The following ALDH18A1 variants were observed in gnomAD, a reference collection of about 807,000 sequenced individuals.
ALDH18A1 encodes aldehyde dehydrogenase 18 family member A1, also known as delta-1-pyrroline-5-carboxylate synthase.
In ALDH18A1, 44 loss-of-function variants were observed where a neutral mutation model predicts 88.8. That is an observed-to-expected ratio of 0.50 (90% CI 0.39 to 0.64). The LOEUF is 0.64. Among genes scored for constraint, ALDH18A1 ranks in the 30% least tolerant of loss-of-function variants. ALDH18A1 has a pLI of 0.00. For missense variants in ALDH18A1, 782 were observed against 1,009.5 expected (o/e 0.77, Z 3.05); for synonymous variants, 331 against 372.1 (o/e 0.89, Z 1.27).
intron 2 of ALDH18A1, among the ~76,000 whole-genome samples, chr10:95,646,854 G>T (rs921437919): frequency 6.6e-6 from 1 of 152,008 alleles, no homozygotes; most frequent in African/African-American, 2.4e-5. Flanking sequence ...TCTTCTTAAG[G>T]GCCACGGATT....
chr10:95,626,612 A>G, intron 10 of ALDH18A1, 91 bp downstream of exon 10: 1 of 1,223,358 alleles, frequency 8.2e-7, no homozygotes, highest in Non-Finnish European at 1.2e-6. Flanking sequence ...CTCACTAGGA[A>G]TAAAGATGGA....
intron 3 of ALDH18A1, among the ~76,000 whole-genome samples, 177 bp from the exon 4 acceptor site, chr10:95,637,613 C>T (rs928952906): frequency 6.6e-5 from 10 of 152,146 alleles, no homozygotes; most frequent in Non-Finnish European, 1.3e-4. Flanking sequence ...TTCCTACATC[C>T]TGTCTCAAAT....
intron 1 of ALDH18A1, 46 bp downstream of exon 1, chr10:95,656,551 C>T (rs996101781): frequency 2.6e-5 from 4 of 152,396 alleles, no homozygotes; most frequent in African/African-American, 7.2e-5. Context: ...GCAACAGCTT[C>T]CGCAGAGACG....
In ALDH18A1 at chr10:95,628,650, G is replaced by A. The variant is rs544583554; in HGVS notation, c.809-158C>T. The A allele has an allele frequency of 2.2e-5, 18 of 800,182 alleles. No homozygotes were observed. The African/African-American group carries it at 2.4e-4, about 11-fold the overall frequency. The allele number at this position is 800,182 out of a possible 1,614,324, so 49.6% of individuals were successfully genotyped here. Reference sequence around the variant, plus strand: ...ACCAGAAAAAGAGAACAAGGGATTCGACACTGACAAACATCTCCAGGAAGA... The same window carrying A: ...ACCAGAAAAAGAGAACAAGGGATTCAACACTGACAAACATCTCCAGGAAGA... On this transcript the variant is annotated intron_variant, in intron 7 of 17. Transcript: ENST00000371224.
At chr10:95,652,133 C>T (rs529357090) in intron 2 of ALDH18A1, among the ~76,000 whole-genome samples, 64 of 152,302 alleles carry the variant, frequency 4.2e-4, no homozygotes, top group Middle Eastern at 3.4e-3. Flanking sequence ...AGGTTACATA[C>T]TGGATAATTC....
chr10:95,645,906 T>C (rs1321631397), intron 2 of ALDH18A1, among the ~76,000 whole-genome samples: 1 of 152,192 alleles, frequency 6.6e-6, no homozygotes, highest in African/African-American at 2.4e-5. Flanking sequence ...TTATTAATAA[T>C]ATAGGTACCC....
intron 5 of ALDH18A1, among the ~76,000 whole-genome samples, chr10:95,636,729 G>C (rs766986244): frequency 6.6e-6 from 1 of 152,170 alleles, no homozygotes; most frequent in Non-Finnish European, 1.5e-5. Flanking sequence ...AATCAAAGAA[G>C]CCAGTGAAAT....
At position 95,610,240 on chromosome 10, in the gene ALDH18A1, C is replaced by A; in HGVS notation, c.2163G>T (p.Trp721Cys). ...CATCAGAAAAGCGAGTGCTGGCATT[C>A]CAGAACACACAGGCACTGTCTACGT... Reference protein sequence around the residue: ...LQHVDSACVFWNASTRFSDGY... With the variant: ...LQHVDSACVFCNASTRFSDGY... Residue 721 changes from tryptophan to cysteine, a missense_variant, in exon 17 of 18, where the codon TGG (tryptophan) becomes TGT (cysteine). Trp to Cys is a radical substitution (Grantham distance 215, BLOSUM62 -2). Around this residue, in one of 3 missense-constraint regions of ALDH18A1, gnomAD observed 556 missense variants for 654.5 expected, o/e 0.85. Coordinates refer to ENST00000371224, the MANE Select transcript of ALDH18A1 (RefSeq NM_002860.4). 2 of 1,614,096 alleles carry A rather than the reference C, an allele frequency of 1.2e-6. No homozygotes were observed. Among genetic ancestry groups the A allele is most frequent in the Non-Finnish European group, 1.7e-6 (2 of 1,179,986 alleles).
At chr10:95,617,990 C>A (rs2097846700) in intron 12 of ALDH18A1, among the ~76,000 whole-genome samples, 1 of 152,162 alleles carries the variant, frequency 6.6e-6, no homozygotes, top group African/African-American at 2.4e-5. Context: ...GGTGAACACA[C>A]TGGTTTTAGG....
rs939662901 is a variant in ALDH18A1, at chr10:95,633,641, C to T, written c.567G>A (p.Val189=). ...GCTCATCATGGAAATCCAAATTGGT[C>T]ACCAAAATCTAAAAGGATTAAATAG... The part of the protein sequence containing the change: ...QYSICAAQIL[V]TNLDFHDEQK... Residue 189 remains valine, a synonymous_variant, in exon 6 of 18, where the codon GTG becomes GTA. Coordinates refer to ENST00000371224, the MANE Select transcript of ALDH18A1 (RefSeq NM_002860.4). 6.8e-6 allele frequency: 11 copies of T among 1,613,906 alleles called. No homozygotes were observed. Among genetic ancestry groups the T allele is most frequent in the Non-Finnish European group, 9.3e-6 (11 of 1,180,004 alleles).
intron 16 of ALDH18A1, 22 bp from the exon 17 acceptor site, chr10:95,610,314 A>T: frequency 6.2e-7 from 1 of 1,611,464 alleles, no homozygotes; most frequent in Non-Finnish European, 8.5e-7. Flanking sequence ...AGAAGGAGAA[A>T]CCAAGTTAGG....
intron 3 of ALDH18A1, among the ~76,000 whole-genome samples, chr10:95,638,506 T>A (rs2097885403): frequency 6.6e-6 from 1 of 152,186 alleles, no homozygotes; most frequent in Non-Finnish European, 1.5e-5. Flanking sequence ...GAAGGCCTAG[T>A]TCCTCCAAGA....
chr10:95,612,952 A>G (rs2097837966), intron 15 of ALDH18A1, among the ~76,000 whole-genome samples: 1 of 152,216 alleles, frequency 6.6e-6, no homozygotes, highest in Non-Finnish European at 1.5e-5. Flanking sequence ...AGCTAACTGG[A>G]GCCTTCCTTT....
At chr10:95,638,707 C>T (rs868095210) in intron 3 of ALDH18A1, among the ~76,000 whole-genome samples, 96 of 152,132 alleles carry the variant, frequency 6.3e-4, no homozygotes, top group African/African-American at 2.0e-3. Flanking sequence ...AGACCAAATG[C>T]GGTCACTTTG....
At chr10:95,642,897 T>C (rs1380195947) in intron 3 of ALDH18A1, 95 bp downstream of exon 3, 6 of 1,288,266 alleles carry the variant, frequency 4.7e-6, no homozygotes, top group Non-Finnish European at 6.6e-6. Flanking sequence ...AAATCACAAT[T>C]ATTTTTTTAA....
chr10:95,609,539 G>A (rs894211404), intron 17 of ALDH18A1, among the ~76,000 whole-genome samples: 4 of 152,202 alleles, frequency 2.6e-5, no homozygotes, highest in African/African-American at 4.8e-5. Context: ...ACGCTGTAGC[G>A]GGAGAACCCA....
chr10:95,613,168 G>T (rs190440361), intron 15 of ALDH18A1, among the ~76,000 whole-genome samples: 212 of 152,308 alleles, frequency 1.4e-3, no homozygotes, highest in African/African-American at 4.9e-3. Context: ...TTTCTTGCAG[G>T]CATGAATTTA....
intron 12 of ALDH18A1, among the ~76,000 whole-genome samples, chr10:95,618,345 G>A (rs1416751206): frequency 1.3e-5 from 2 of 152,106 alleles, no homozygotes; most frequent in Non-Finnish European, 2.9e-5. Context: ...TTTTTGAGAT[G>A]GTATCTCGCC....
At chr10:95,635,138 T>A in intron 5 of ALDH18A1, among the ~76,000 whole-genome samples, 1 of 152,152 alleles carries the variant, frequency 6.6e-6, no homozygotes, top group East Asian at 1.9e-4. Flanking sequence ...AGAATGTTGA[T>A]GTCTTGGGGA....
Sources: gnomAD v4.1 joint callset for allele counts (sites outside exome capture counted in the v4.1 genomes callset) on GRCh38, gnomAD v4.1.1 for gene constraint, gnomAD v4.1.1 regional missense constraint, MANE v1.5 for transcripts, NCBI Gene and HGNC (gene_info 2026-07-23, HGNC 2026-07-21) for gene names.